CS: variants seen among roughly 807,000 people sequenced by gnomAD.
CS encodes the protein citrate synthase, mitochondrial.
A neutral mutation model predicts 61.4 loss-of-function variants in CS; 13 were observed. That is an observed-to-expected ratio of 0.21 (90% CI 0.14 to 0.34). The LOEUF (loss-of-function observed/expected upper bound fraction) is 0.34. Ranked by LOEUF, CS falls within the 10% of genes least tolerant of loss-of-function variation. CS has a pLI of 1.00. For missense variants in CS, 278 were observed against 573.4 expected (o/e 0.48, Z 5.26); for synonymous variants, 159 against 215.2 (o/e 0.74, Z 2.29).
intron 6 of CS, among the ~76,000 whole-genome samples, chr12:56,281,927 C>T (rs1236784439): frequency 6.6e-6 from 1 of 152,104 alleles, no homozygotes; most frequent in Non-Finnish European, 1.5e-5. Context: ...GGTGCGATCT[C>T]GGCTCACTGA....
chr12:56,288,418 C>T (rs1336585491), intron 1 of CS, among the ~76,000 whole-genome samples: 2 of 136,538 alleles, frequency 1.5e-5, no homozygotes, highest in African/African-American at 2.8e-5. Flanking sequence ...GTGGCGTGAT[C>T]TCTGGCTCCC....
chr12:56,287,526 T>C (rs920749118), intron 1 of CS, among the ~76,000 whole-genome samples: 25 of 110,870 alleles, frequency 2.3e-4, no homozygotes, highest in African/African-American at 7.0e-4. Flanking sequence ...AGAGAGAAAA[T>C]AGTTTAGCTA....
intron 6 of CS, among the ~76,000 whole-genome samples, chr12:56,280,873 A>C (rs1405129914): frequency 6.6e-6 from 1 of 152,226 alleles, no homozygotes; most frequent in Non-Finnish European, 1.5e-5. Context: ...GTGAATGTGT[A>C]TATTTTGCAT....
chr12:56,281,887 C>T (rs959813648), intron 6 of CS, among the ~76,000 whole-genome samples: 3 of 152,126 alleles, frequency 2.0e-5, no homozygotes, highest in Non-Finnish European at 4.4e-5. Flanking sequence ...TAGATGGAGT[C>T]TCACTCTGTT....
At position 56,272,815 on chromosome 12, in the gene CS, T is replaced by G; in HGVS notation, c.*269A>C. 1.7e-5 allele frequency: 5 copies of G among 297,818 alleles called. No homozygotes were observed. In the South Asian group the frequency reaches 2.4e-4, roughly 14 times the overall value. 18.4% of individuals were successfully genotyped at this position (297,818 alleles called of 1,614,324 possible). A position where few individuals can be genotyped will look rare whatever the true frequency, so the allele number is the denominator to read the frequency against. On this transcript the variant is annotated 3_prime_UTR_variant, in exon 11 of 11. Transcript: ENST00000351328. ...CTAGAGATAGTGAGGGGGCCAAACC[T>G]ACTCATACCACATGCATTAGTCCTG...
intron 1 of CS, 97 bp downstream of exon 1, chr12:56,300,063 G>C: frequency 8.1e-7 from 1 of 1,237,798 alleles, no homozygotes. Flanking sequence ...GGCGCGCAGG[G>C]TGCGCACGGG....
intron 1 of CS, chr12:56,291,328 C>T (rs1186579350): frequency 1.1e-6 from 1 of 948,038 alleles, no homozygotes. Context: ...AAAATAAAGT[C>T]CCAATTTTCT....
chr12:56,282,321 GA>G (rs769678973), intron 6 of CS, 98 bp downstream of exon 6: 395 of 976,314 alleles, frequency 4.0e-4, no homozygotes, highest in Non-Finnish European at 5.6e-4. Flanking sequence ...GATTAACTCA[GA>G]GGTAATTTTT....
At chr12:56,274,904 G>A (rs1872591490) in intron 8 of CS, 26 bp from the exon 9 acceptor site, 1 of 1,604,764 alleles carries the variant, frequency 6.2e-7, no homozygotes, top group African/African-American at 1.3e-5. Flanking sequence ...GGGGAAAAAG[G>A]GAATGTTAAT....
At chr12:56,297,763 GT>G (rs1873351589) in intron 1 of CS, among the ~76,000 whole-genome samples, 1 of 152,178 alleles carries the variant, frequency 6.6e-6, no homozygotes, top group African/African-American at 2.4e-5. Flanking sequence ...GAGACTCAAA[GT>G]GGTAAGAGTC....
rs530985246 is a variant in CS, at chr12:56,298,755, G to A, written c.42+1405C>T. ...TGCCAACCATGAAAAATAACGCACA[G>A]CAGGCCAGGTGCAGTGGTTCACACC... On this transcript the variant is annotated intron_variant, in intron 1 of 10. Transcript: ENST00000351328. The A allele has an allele frequency of 1.5e-5, 12 of 825,522 alleles. No individual in the cohort carries two copies. In the African/African-American group the frequency reaches 2.2e-4, roughly 15 times the overall value. 51.1% of individuals were successfully genotyped at this position (825,522 alleles called of 1,614,324 possible).
chr12:56,276,205 G>A lies in CS; in HGVS notation c.589-10C>T. The A allele has an allele frequency of 1.9e-6, 3 of 1,613,434 alleles. No individual in the cohort carries two copies. Among genetic ancestry groups the A allele is most frequent in the Non-Finnish European group, 2.5e-6 (3 of 1,179,448 alleles). On this transcript the variant is annotated splice_polypyrimidine_tract_variant and intron_variant, in intron 6 of 10. Transcript: ENST00000351328. ...AGTCTTCATAAATCAACTGACAGAA[G>A]AGGAGCAAGATGGAGAAAAAAAAAG...
chr12:56,277,515 A>T (rs1872658139), intron 6 of CS, among the ~76,000 whole-genome samples: 2 of 151,834 alleles, frequency 1.3e-5, no homozygotes, highest in African/African-American at 4.8e-5. Context: ...TAAAAAAAAA[A>T]GACACTAGGT....
intron 1 of CS, chr12:56,298,595 A>G (rs896543756): frequency 1.0e-6 from 1 of 984,642 alleles, no homozygotes; most frequent in Admixed American, 6.2e-5. Context: ...TCATTTCCCA[A>G]GAGGTTTCCT....
chr12:56,285,165 C>T (rs774112095), intron 3 of CS: 3 of 290,462 alleles, frequency 1.0e-5, no homozygotes, highest in African/African-American at 2.3e-5. Context: ...AGGCTGGTCT[C>T]GAACTCCTGA....
At chr12:56,276,288 C>T (rs1253724145) in intron 6 of CS, 93 bp from the exon 7 acceptor site, 3 of 1,206,282 alleles carry the variant, frequency 2.5e-6, no homozygotes, top group African/African-American at 3.0e-5. Context: ...TGAATTGGGG[C>T]TATTTGGGTT....
chr12:56,285,077 T>G (rs1237731015), intron 3 of CS: 1 of 197,722 alleles, frequency 5.1e-6, no homozygotes, highest in Non-Finnish European at 1.1e-5. Context: ...CCTGAGTAGC[T>G]GGGATTACAG....
At chr12:56,286,149 C>T (rs542882331) in intron 2 of CS, 126 bp from the exon 3 acceptor site, 1 of 700,980 alleles carries the variant, frequency 1.4e-6, no homozygotes, top group East Asian at 2.6e-5. Context: ...TGGTCAACTA[C>T]TCTGCACAAA....
chr12:56,284,409 TGAG>T (rs1183277962), intron 3 of CS, among the ~76,000 whole-genome samples: 7 of 141,704 alleles, frequency 4.9e-5, no homozygotes, highest in African/African-American at 1.9e-4. Flanking sequence ...TTTGGGAGGC[TGAG>T]GAGGAGGGAA....
Sources: gnomAD v4.1 joint callset for allele counts (sites outside exome capture counted in the v4.1 genomes callset) on GRCh38, gnomAD v4.1.1 for gene constraint, MANE v1.5 for transcripts, NCBI Gene and HGNC (gene_info 2026-07-23, HGNC 2026-07-21) for gene names.